The following GDAP2 variants were observed in gnomAD, a reference collection of about 807,000 sequenced individuals.
The protein encoded by GDAP2 is ganglioside-induced differentiation-associated protein 2.
GDAP2 carries 51 observed loss-of-function variants against 67.0 expected under a neutral mutation model. The ratio of observed to expected loss-of-function variants is 0.76; its 90% CI spans 0.61 to 0.96. The LOEUF is 0.96. Ranked by LOEUF, GDAP2 falls within the 40% of genes least tolerant of loss-of-function variation. The probability of loss-of-function intolerance (pLI) is 0.00; values close to 1 mark genes in which losing one functional copy is unlikely to be tolerated. For synonymous variants in GDAP2, 203 were observed against 207.3 expected (o/e 0.98, Z 0.18); for missense variants, 547 against 588.3 (o/e 0.93, Z 0.73).
In GDAP2 at chr1:117,870,236, A is replaced by G. The variant is rs1034805212; in HGVS notation, c.*333T>C. The stretch of plus-strand genomic sequence containing the variant: ...CGTGCAATGTTAGAGAGATGATGTG[A>G]ACAGTCTTGGTGGTTTATCTAATGG... On this transcript the variant is annotated 3_prime_UTR_variant, in exon 14 of 14. Coordinates refer to ENST00000369443, the MANE Select transcript of GDAP2 (RefSeq NM_017686.4). 2 of 327,862 alleles carry G rather than the reference A, an allele frequency of 6.1e-6. No individual in the cohort carries two copies. Among genetic ancestry groups the G allele is most frequent in the Non-Finnish European group, 1.1e-5 (2 of 177,416 alleles). 20.3% of individuals were successfully genotyped at this position (327,862 alleles called of 1,614,324 possible). A position where few individuals can be genotyped will look rare whatever the true frequency, so the allele number is the denominator to read the frequency against.
chr1:117,870,361 C>A lies in GDAP2; in HGVS notation c.*208G>T. ...AACATTTCCATTTCATATAAATATA[C>A]AAATTTAAAATGTGTGCAGTTCAGA... is the stretch of plus-strand genomic sequence containing the variant. On this transcript the variant is annotated 3_prime_UTR_variant, in exon 14 of 14. Transcript: ENST00000369443. The A allele has an allele frequency of 1.9e-6, 1 of 532,440 alleles. No individual in the cohort carries two copies. The highest frequency in any genetic ancestry group is 3.8e-5 in the Admixed American group (1 of 26,326). The allele number at this position is 532,440 out of a possible 1,614,324, so 33.0% of individuals were successfully genotyped here. A position where few individuals can be genotyped will look rare whatever the true frequency, so the allele number is the denominator to read the frequency against.
intron 1 of GDAP2, among the ~76,000 whole-genome samples, chr1:117,921,227 C>T (rs1195826136): frequency 7.0e-6 from 1 of 142,238 alleles, no homozygotes; most frequent in African/African-American, 2.4e-5. Flanking sequence ...GCAACAAGAG[C>T]AAAACTCCGT....
chr1:117,874,686 C>T (rs1648395718), intron 13 of GDAP2, among the ~76,000 whole-genome samples: 1 of 152,132 alleles, frequency 6.6e-6, no homozygotes, highest in Non-Finnish European at 1.5e-5. Context: ...GATCAGAAGA[C>T]AACAGAAAGA....
At chr1:117,922,341 AGAAAG>A (rs1229574215) in intron 1 of GDAP2, among the ~76,000 whole-genome samples, 3 of 152,216 alleles carry the variant, frequency 2.0e-5, no homozygotes, top group African/African-American at 7.2e-5. Flanking sequence ...AGGAATGCTA[AGAAAG>A]GAAGGTAAAC....
chr1:117,918,672 C>T lies in GDAP2; in HGVS notation c.241G>A (p.Asp81Asn). ...IVNTSNESLT[D>N]KNPVSESIFM... The stretch of plus-strand genomic sequence containing the variant: ...ATACTTTCTGACACAGGATTCTTAT[C>T]TGTGAGACTTTCATTGCTGGTATTC... Residue 81 changes from aspartate (D) to asparagine (N), a missense_variant, in exon 3 of 14, where the codon GAT becomes AAT. Coordinates refer to ENST00000369443, the MANE Select transcript of GDAP2 (RefSeq NM_017686.4). The T allele has an allele frequency of 6.2e-7, 1 of 1,602,848 alleles. No individual in the cohort carries two copies.
At chr1:117,898,093 T>C (rs535782347) in intron 7 of GDAP2, among the ~76,000 whole-genome samples, 2 of 152,324 alleles carry the variant, frequency 1.3e-5, no homozygotes, top group East Asian at 3.9e-4. Context: ...GAAGAGAATC[T>C]TCTTGCAAAT....
intron 7 of GDAP2, among the ~76,000 whole-genome samples, chr1:117,897,875 G>A (rs921105443): frequency 1.3e-5 from 2 of 151,736 alleles, no homozygotes; most frequent in Admixed American, 6.5e-5. Context: ...CTCAAGTAAA[G>A]CTTGGTTATA....
chr1:117,875,756 T>A (rs2101117020), intron 13 of GDAP2, among the ~76,000 whole-genome samples: 1 of 152,324 alleles, frequency 6.6e-6, no homozygotes, highest in African/African-American at 2.4e-5. Flanking sequence ...AGATTTAGTG[T>A]CTGCCCTGAT....
chr1:117,890,458 AT>A (rs1278626258), intron 8 of GDAP2, among the ~76,000 whole-genome samples: 5 of 152,042 alleles, frequency 3.3e-5, no homozygotes, highest in East Asian at 1.9e-4. Flanking sequence ...TCTGAAAAAA[AT>A]TTTTTTTAAC....
chr1:117,894,555 A>G (rs944646422), intron 8 of GDAP2, among the ~76,000 whole-genome samples: 6 of 152,158 alleles, frequency 3.9e-5, no homozygotes, highest in Non-Finnish European at 7.4e-5. Context: ...GTTCTTGAGA[A>G]CCCATCTTTT....
intron 2 of GDAP2, among the ~76,000 whole-genome samples, chr1:117,919,942 G>A (rs1221541941): frequency 3.9e-5 from 6 of 152,142 alleles, no homozygotes; most frequent in Non-Finnish European, 7.3e-5. Context: ...AACTTTTGGA[G>A]GTGACAGGTA....
Position 117,870,168 on chromosome 1 carries a change from T to C in GDAP2, c.*401A>G, listed in dbSNP as rs1648205597. 5.0e-6 allele frequency: 1 copy of C among 200,488 alleles called. No individual in the cohort carries two copies. The highest frequency in any genetic ancestry group is 1.0e-5 in the Non-Finnish European group (1 of 99,802). The allele number at this position is 200,488 out of a possible 1,614,324, so 12.4% of individuals were successfully genotyped here. A position where few individuals can be genotyped will look rare whatever the true frequency, so the allele number is the denominator to read the frequency against. On this transcript the variant is annotated 3_prime_UTR_variant, in exon 14 of 14. Transcript: ENST00000369443. ...AACAATGCATCTGGTTAGCATACATTGGTTCTGTATATTTCGAGAATCACT... is the reference window on the plus strand; with the variant it reads ...AACAATGCATCTGGTTAGCATACATCGGTTCTGTATATTTCGAGAATCACT...
chr1:117,921,782 T>C (rs1446563957), intron 1 of GDAP2, among the ~76,000 whole-genome samples: 1 of 152,096 alleles, frequency 6.6e-6, no homozygotes, highest in Non-Finnish European at 1.5e-5. Flanking sequence ...ACAATGAAAC[T>C]GAGATGGGGC....
intron 3 of GDAP2, among the ~76,000 whole-genome samples, chr1:117,917,552 T>A (rs1650093332): frequency 6.6e-6 from 1 of 152,248 alleles, no homozygotes; most frequent in Non-Finnish European, 1.5e-5. Flanking sequence ...AGGTAGGAAC[T>A]ACTATTACCA....
At position 117,912,645 on chromosome 1, in the gene GDAP2, T is replaced by G; in HGVS notation, c.355A>C (p.Asn119His). 1.2e-6 allele frequency: 2 copies of G among 1,613,712 alleles called. No homozygotes were observed. The highest frequency in any genetic ancestry group is 2.2e-5 in the East Asian group (1 of 44,872). The change falls in exon 4 of 14, where the codon AAT becomes CAT. Residue 119 changes from asparagine (N) to histidine (H), a missense_variant. Physicochemically the swap from Asn to His is moderately conservative, Grantham distance 68. Coordinates refer to ENST00000369443, the MANE Select transcript of GDAP2 (RefSeq NM_017686.4). ...TGEAKLTKGF[N>H]LAARFIIHTV... is the part of the protein sequence containing the mutation. The stretch of plus-strand genomic sequence containing the variant: ...TGAATGATGAACCGGGCAGCTAGAT[T>G]GAATCCTTTTGTCAATTTTGCTTCA...
chr1:117,895,810 G>C (rs1189021777), intron 8 of GDAP2, among the ~76,000 whole-genome samples: 1 of 152,182 alleles, frequency 6.6e-6, no homozygotes, highest in African/African-American at 2.4e-5. Context: ...TGACTGGAGA[G>C]TTCATGTAGT....
chr1:117,915,908 T>C (rs1275793374), intron 3 of GDAP2, among the ~76,000 whole-genome samples: 1 of 152,212 alleles, frequency 6.6e-6, no homozygotes, highest in East Asian at 1.9e-4. Flanking sequence ...CTCTTCAATA[T>C]GATCCTTTTT....
intron 3 of GDAP2, among the ~76,000 whole-genome samples, chr1:117,915,266 T>C (rs1490659948): frequency 6.6e-6 from 1 of 152,110 alleles, no homozygotes; most frequent in African/African-American, 2.4e-5. Flanking sequence ...AAATGGCACC[T>C]CAAGTAAATC....
intron 3 of GDAP2, among the ~76,000 whole-genome samples, chr1:117,915,949 C>A (rs1650033087): frequency 6.6e-6 from 1 of 152,116 alleles, no homozygotes; most frequent in African/African-American, 2.4e-5. Flanking sequence ...CTGTTTCCCC[C>A]AAATATTCTC....
Sources: allele counts gnomAD v4.1 joint callset (sites outside exome capture counted in the v4.1 genomes callset), GRCh38; gene constraint gnomAD v4.1.1; transcripts MANE v1.5; gene names NCBI Gene and HGNC (gene_info 2026-07-23, HGNC 2026-07-21).